TOX: variants seen among roughly 807,000 people sequenced by gnomAD.
TOX encodes thymocyte selection-associated high mobility group box protein TOX.
TOX carries 11 observed loss-of-function variants against 53.7 expected under a neutral mutation model. That is an observed-to-expected ratio of 0.20 (90% confidence interval 0.13 to 0.34). TOX has a LOEUF of 0.34. Ranked by LOEUF, TOX falls within the 10% of genes least tolerant of loss-of-function variation. The pLI, the probability that TOX is intolerant of heterozygous loss-of-function variation, is 1.00. For synonymous variants in TOX, 225 were observed against 245.3 expected (o/e 0.92, Z 0.77); for missense variants, 570 against 664.6 (o/e 0.86, Z 1.56).
intron 3 of TOX, among the ~76,000 whole-genome samples, chr8:58,880,989 C>T (rs77170942): frequency 6.6e-6 from 1 of 151,956 alleles, no homozygotes; most frequent in African/African-American, 2.4e-5. Context: ...CTGCAGGCCT[C>T]CTATATAGGA....
intron 1 of TOX, among the ~76,000 whole-genome samples, chr8:58,967,515 G>T (rs556979603): frequency 6.6e-6 from 1 of 152,146 alleles, no homozygotes; most frequent in African/African-American, 2.4e-5. Flanking sequence ...CACTTCCATT[G>T]CCACCACAGC....
At chr8:59,026,295 C>G (rs1454461376) in intron 1 of TOX, among the ~76,000 whole-genome samples, 1 of 152,074 alleles carries the variant, frequency 6.6e-6, no homozygotes, top group African/African-American at 2.4e-5. Context: ...TCTTAGAGGA[C>G]AGGTTTTAGT....
Position 58,851,073 on chromosome 8 carries a change from C to T in TOX, c.693+451G>A, listed in dbSNP as rs570805079. On this transcript the variant is annotated intron_variant, in intron 4 of 8. Coordinates refer to ENST00000361421, the MANE Select transcript of TOX (RefSeq NM_014729.3). This position sits in a 1 kb window ranked among gnomAD's most constrained non-coding sequence, Gnocchi z 4.4. ...ATCTAATATCCCTGGCACTTACTTT[C>T]CACGTCCTCAATATGAAATGGTTGG... Among the ~76,000 whole-genome samples, 1 of 152,084 alleles carries T rather than the reference C, an allele frequency of 6.6e-6. No homozygotes were observed. The highest frequency in any genetic ancestry group is 2.4e-5 in the African/African-American group (1 of 41,490).
chr8:58,904,206 A>G (rs1481562033), intron 3 of TOX, among the ~76,000 whole-genome samples: 1 of 152,144 alleles, frequency 6.6e-6, no homozygotes, highest in Non-Finnish European at 1.5e-5. Flanking sequence ...AAAATTTACA[A>G]AATGCCTCTA....
intron 2 of TOX, among the ~76,000 whole-genome samples, chr8:58,951,052 C>T (rs768974243): frequency 1.3e-5 from 2 of 152,192 alleles, no homozygotes; most frequent in Non-Finnish European, 2.9e-5. Flanking sequence ...ACACGTAACA[C>T]ATTGCCGTTA....
intron 3 of TOX, among the ~76,000 whole-genome samples, chr8:58,927,686 C>A (rs1397749300): frequency 6.6e-6 from 1 of 152,138 alleles, no homozygotes; most frequent in Admixed American, 6.5e-5. Flanking sequence ...AGAGGAATGA[C>A]AGATAGTATA....
chr8:58,845,715 T>C (rs988216545), intron 4 of TOX, among the ~76,000 whole-genome samples: 6 of 152,094 alleles, frequency 3.9e-5, no homozygotes, highest in African/African-American at 1.4e-4. Context: ...CTGCCAAACA[T>C]AGCTGAGTAT....
At chr8:59,059,906 T>TA (rs35899535) in intron 1 of TOX, among the ~76,000 whole-genome samples, 98 of 145,988 alleles carry the variant, frequency 6.7e-4, no homozygotes, top group African/African-American at 1.8e-3. Flanking sequence ...TGTTATGTTG[T>TA]AAAAAAAAAA....
intron 3 of TOX, among the ~76,000 whole-genome samples, chr8:58,888,789 G>T (rs1404401620): frequency 1.3e-5 from 2 of 151,760 alleles, no homozygotes; most frequent in African/African-American, 4.8e-5. Flanking sequence ...TCATCCACTG[G>T]ATCCAAATCA....
intron 7 of TOX, chr8:58,814,419 A>G (rs1050070064): frequency 6.6e-6 from 1 of 152,178 alleles, no homozygotes; most frequent in Non-Finnish European, 1.5e-5. Context: ...CAGTCTCCAT[A>G]GAGACTATAA....
At chr8:58,930,393 T>C (rs1812238474) in intron 3 of TOX, among the ~76,000 whole-genome samples, 1 of 152,228 alleles carries the variant, frequency 6.6e-6, no homozygotes, top group South Asian at 2.1e-4. Context: ...TGAAACCAAG[T>C]AAACTCTCAG....
At chr8:59,058,299 G>A (rs890118716) in intron 1 of TOX, among the ~76,000 whole-genome samples, 1 of 152,150 alleles carries the variant, frequency 6.6e-6, no homozygotes, top group Non-Finnish European at 1.5e-5. Flanking sequence ...AGACAGCACT[G>A]CTTTGGGAGG....
intron 4 of TOX, among the ~76,000 whole-genome samples, chr8:58,840,208 G>T (rs1810620383): frequency 6.6e-6 from 1 of 152,138 alleles, no homozygotes; most frequent in Non-Finnish European, 1.5e-5. Flanking sequence ...TCTTTATTGA[G>T]AAACCTATTA....
chr8:58,833,565 G>T (rs1810499256), intron 5 of TOX, among the ~76,000 whole-genome samples: 1 of 152,134 alleles, frequency 6.6e-6, no homozygotes, highest in South Asian at 2.1e-4. Context: ...TAATACAAAG[G>T]GTGTGATATT....
intron 1 of TOX, among the ~76,000 whole-genome samples, chr8:59,098,903 C>T (rs140298065): frequency 2.5e-4 from 38 of 152,182 alleles, no homozygotes; most frequent in African/African-American, 8.4e-4. Flanking sequence ...GCCCTTTAGC[C>T]AAAAATGGTT....
At chr8:59,078,148 C>T (rs1011533886) in intron 1 of TOX, among the ~76,000 whole-genome samples, 18 of 152,328 alleles carry the variant, frequency 1.2e-4, no homozygotes, top group African/African-American at 4.3e-4. Context: ...AGTAGAGTCT[C>T]ACAGGCCAGT....
At chr8:58,830,791 C>T (rs1441071423) in intron 5 of TOX, among the ~76,000 whole-genome samples, 1 of 152,092 alleles carries the variant, frequency 6.6e-6, no homozygotes, top group Non-Finnish European at 1.5e-5. Flanking sequence ...TAAAGGCATT[C>T]TTCATTCTGG....
chr8:59,021,463 CAAA>C (rs148800261), intron 1 of TOX, among the ~76,000 whole-genome samples: 13,363 of 69,636 alleles, frequency 0.19, 941 homozygotes, highest in Middle Eastern at 0.25. Context: ...TTTCTACAAG[CAAA>C]AAAAAAAAAA....
rs118165249 is a variant in TOX at position 59,117,858 on chromosome 8, G to C, written c.102+1028C>G. Among the ~76,000 whole-genome samples, 1,184 of 152,310 alleles carry C rather than the reference G, an allele frequency of 7.8e-3. 8 individuals are homozygous for C. Among genetic ancestry groups the C allele is most frequent in the Non-Finnish European group, 0.012 (834 of 68,026 alleles). On this transcript the variant is annotated intron_variant, in intron 1 of 8. Coordinates refer to ENST00000361421, the MANE Select transcript of TOX (RefSeq NM_014729.3). This position sits in a 1 kb window ranked among gnomAD's most constrained non-coding sequence, Gnocchi z 4.6. ...TTCTCTCTGCCAACGTTCATCCAAC[G>C]GGACTGCTTAGACACGTCCAACTAG...
Sources: allele counts gnomAD v4.1 joint callset (sites outside exome capture counted in the v4.1 genomes callset), GRCh38; gene constraint gnomAD v4.1.1; non-coding constraint Gnocchi (gnomAD v3.1); transcripts MANE v1.5; gene names NCBI Gene and HGNC (gene_info 2026-07-23, HGNC 2026-07-21).